JAZF1: variants seen among roughly 807,000 people sequenced by gnomAD.
The protein encoded by JAZF1 is JAZF zinc finger 1, also known as juxtaposed with another zinc finger protein 1.
Under a neutral mutation model 26.4 loss-of-function variants are expected in JAZF1, and 8 were observed. The observed-to-expected ratio is 0.30, with a 90% CI of 0.18 to 0.55. The LOEUF (loss-of-function observed/expected upper bound fraction) is 0.55. Ranked by LOEUF, JAZF1 falls within the 20% of genes least tolerant of loss-of-function variation. JAZF1 has a pLI of 0.94. For missense variants in JAZF1, 199 were observed against 322.0 expected (o/e 0.62, Z 2.92); for synonymous variants, 126 against 122.3 (o/e 1.03, Z -0.20).
intron 1 of JAZF1, among the ~76,000 whole-genome samples, chr7:28,000,364 G>A (rs79615183): frequency 0.047 from 7,221 of 152,152 alleles, 577 homozygotes; most frequent in African/African-American, 0.16. Flanking sequence ...GCAGAGTAGC[G>A]CCTACAACAA....
At chr7:27,948,666 T>C (rs1234120065) in intron 2 of JAZF1, among the ~76,000 whole-genome samples, 3 of 152,244 alleles carry the variant, frequency 2.0e-5, no homozygotes, top group South Asian at 4.1e-4. Flanking sequence ...CATCTGAATA[T>C]TGATTGTATA....
chr7:28,174,379 C>A (rs1783517565), intron 1 of JAZF1, among the ~76,000 whole-genome samples: 2 of 152,212 alleles, frequency 1.3e-5, no homozygotes, highest in African/African-American at 4.8e-5. Flanking sequence ...CCCAGGGAAG[C>A]CCCTCATCAA....
chr7:28,015,514 A>T (rs1486444187), intron 1 of JAZF1, among the ~76,000 whole-genome samples: 1 of 152,222 alleles, frequency 6.6e-6, no homozygotes, highest in East Asian at 1.9e-4. Context: ...TGTTTAAAAC[A>T]ATTAGGGAAC....
intron 3 of JAZF1, among the ~76,000 whole-genome samples, chr7:27,881,028 G>T (rs1169053935): frequency 6.6e-6 from 1 of 152,110 alleles, no homozygotes; most frequent in African/African-American, 2.4e-5. Flanking sequence ...GTTACCAAAG[G>T]TTTATTTATG....
intron 2 of JAZF1, among the ~76,000 whole-genome samples, chr7:27,907,630 G>T (rs750921520): frequency 1.3e-5 from 2 of 152,158 alleles, no homozygotes; most frequent in Admixed American, 6.5e-5. Flanking sequence ...GACTCCCGGG[G>T]AATCTAGCAC....
At chr7:27,851,841 T>G (rs909129794) in intron 3 of JAZF1, among the ~76,000 whole-genome samples, 2 of 152,194 alleles carry the variant, frequency 1.3e-5, no homozygotes, top group African/African-American at 4.8e-5. Flanking sequence ...GTCACAAGAA[T>G]CTGGTGAGAC....
At chr7:28,154,412 A>G (rs1783150729) in intron 1 of JAZF1, among the ~76,000 whole-genome samples, 1 of 152,214 alleles carries the variant, frequency 6.6e-6, no homozygotes, top group African/African-American at 2.4e-5. Context: ...TACTTAAGAT[A>G]TGATCATTAT....
At chr7:28,020,026 A>G (rs1419213498) in intron 1 of JAZF1, among the ~76,000 whole-genome samples, 2 of 152,190 alleles carry the variant, frequency 1.3e-5, no homozygotes, top group African/African-American at 4.8e-5. Context: ...ATGCCTCAAC[A>G]GACACATGTT....
At chr7:27,957,426 G>A (rs769110241) in intron 2 of JAZF1, among the ~76,000 whole-genome samples, 59 of 152,270 alleles carry the variant, frequency 3.9e-4, no homozygotes, top group Admixed American at 1.1e-3. Flanking sequence ...CATCTAAGTG[G>A]GGACATTTCT....
At chr7:27,963,567 C>G (rs1294758874) in intron 2 of JAZF1, among the ~76,000 whole-genome samples, 4 of 106,310 alleles carry the variant, frequency 3.8e-5, no homozygotes, top group African/African-American at 2.0e-4. Context: ...TTCCCCCCCC[C>G]CCTTTTTTTT....
intron 1 of JAZF1, among the ~76,000 whole-genome samples, chr7:28,123,570 T>G (rs1045813803): frequency 6.6e-6 from 1 of 152,236 alleles, no homozygotes; most frequent in South Asian, 2.1e-4. Context: ...TTCTCTATAG[T>G]GTCTGTGTCA....
At chr7:28,166,228 A>C (rs150738147) in intron 1 of JAZF1, among the ~76,000 whole-genome samples, 56 of 152,318 alleles carry the variant, frequency 3.7e-4, no homozygotes, top group African/African-American at 1.3e-3. Context: ...TATAAGACTA[A>C]AAATGATTTC....
chr7:28,038,338 C>A (rs1158260729), intron 1 of JAZF1, among the ~76,000 whole-genome samples: 1 of 152,120 alleles, frequency 6.6e-6, no homozygotes, highest in African/African-American at 2.4e-5. Flanking sequence ...GATATAAGCT[C>A]ATTTTTCAGG....
Position 27,831,712 on chromosome 7 carries a change from A to C in JAZF1, c.*1088T>G, listed in dbSNP as rs1337346558. On this transcript the variant is annotated 3_prime_UTR_variant, in exon 5 of 5. Transcript: ENST00000283928. Reference sequence around the variant, plus strand: ...GAGAAAAGTACCTTTTAAAAAAAGTAAAAAATGAGCATGAAGAAGAGGCAA... The same window carrying C: ...GAGAAAAGTACCTTTTAAAAAAAGTCAAAAATGAGCATGAAGAAGAGGCAA... 1 of 225,444 alleles carries C rather than the reference A, an allele frequency of 4.4e-6. No homozygotes were observed. Among genetic ancestry groups the C allele is most frequent in the African/African-American group, 2.2e-5 (1 of 44,952 alleles). The allele number at this position is 225,444 out of a possible 1,614,324, so 14.0% of individuals were successfully genotyped here.
At chr7:27,926,783 C>G (rs1347883445) in intron 2 of JAZF1, among the ~76,000 whole-genome samples, 2 of 152,204 alleles carry the variant, frequency 1.3e-5, no homozygotes, top group Non-Finnish European at 2.9e-5. Context: ...TCCTCTCAGG[C>G]TGGGGCTCTT....
intron 1 of JAZF1, among the ~76,000 whole-genome samples, chr7:28,027,686 T>G (rs897699000): frequency 1.3e-5 from 2 of 152,180 alleles, no homozygotes; most frequent in Non-Finnish European, 2.9e-5. Context: ...CAAAGCTACC[T>G]TCATCACCTA....
chr7:28,038,773 A>G (rs1783338598), intron 1 of JAZF1, among the ~76,000 whole-genome samples: 2 of 152,214 alleles, frequency 1.3e-5, no homozygotes, highest in East Asian at 3.8e-4. Flanking sequence ...AGAAAGTAGG[A>G]AACTACAAAA....
chr7:28,075,754 C>T (rs1372869483), intron 1 of JAZF1, among the ~76,000 whole-genome samples: 1 of 151,562 alleles, frequency 6.6e-6, no homozygotes, highest in Non-Finnish European at 1.5e-5. Context: ...CCATTTTTTG[C>T]TATTAAAAAA....
At chr7:28,174,266 A>G (rs929312998) in intron 1 of JAZF1, among the ~76,000 whole-genome samples, 4 of 152,216 alleles carry the variant, frequency 2.6e-5, no homozygotes, top group Admixed American at 6.5e-5. Flanking sequence ...TTGTTGCCCT[A>G]GAAGCTAAAA....
Sources: gnomAD v4.1 joint callset for allele counts (sites outside exome capture counted in the v4.1 genomes callset) on GRCh38, gnomAD v4.1.1 for gene constraint, MANE v1.5 for transcripts, NCBI Gene and HGNC (gene_info 2026-07-23, HGNC 2026-07-21) for gene names.